Variants in SGCD observed in about 807,000 individuals in gnomAD.
SGCD encodes the protein sarcoglycan delta.
Under a neutral mutation model 36.6 loss-of-function variants are expected in SGCD, and 18 were observed. The ratio of observed to expected loss-of-function variants is 0.49; its 90% CI spans 0.34 to 0.73. SGCD has a LOEUF of 0.73. Among genes scored for constraint, SGCD ranks in the 30% least tolerant of loss-of-function variants. The pLI, the probability that SGCD is intolerant of heterozygous loss-of-function variation, is 0.01. For missense variants in SGCD, 387 were observed against 346.7 expected, an observed-to-expected ratio of 1.12 and a Z score of -0.92; for synonymous variants, 133 against 130.6, an observed-to-expected ratio of 1.02 and a Z score of -0.12.
intron 1 of SGCD, among the ~76,000 whole-genome samples, chr5:156,082,410 C>T (rs941208255): frequency 6.6e-6 from 1 of 152,124 alleles, no homozygotes; most frequent in Non-Finnish European, 1.5e-5. Context: ...CCCTCTATAC[C>T]TTACCACTAA....
At chr5:155,732,579 G>T in the SGCD span, among the ~76,000 whole-genome samples, 1 of 152,178 alleles carries the variant, frequency 6.6e-6, no homozygotes, top group South Asian at 2.1e-4. Context: ...CCAGCACCCA[G>T]TCTGGAGTCT....
intron 3 of SGCD, among the ~76,000 whole-genome samples, chr5:156,391,310 A>C (rs999892141): frequency 6.6e-6 from 1 of 152,216 alleles, no homozygotes; most frequent in Non-Finnish European, 1.5e-5. Context: ...AGGTTTGTGT[A>C]AGTACACGCT....
At chr5:156,345,060 GA>G (rs1561634290) in intron 3 of SGCD, among the ~76,000 whole-genome samples, 1 of 152,162 alleles carries the variant, frequency 6.6e-6, no homozygotes, top group African/African-American at 2.4e-5. Context: ...TTTTGAAGTA[GA>G]GAGTTGAAAC....
chr5:156,714,260 C>A (rs1301384914), intron 7 of SGCD, among the ~76,000 whole-genome samples: 2 of 152,210 alleles, frequency 1.3e-5, no homozygotes, highest in Non-Finnish European at 2.9e-5. Flanking sequence ...TTCTTGTAAA[C>A]AAGCATCTTT....
chr5:156,547,603 C>T (rs954276156), intron 4 of SGCD, among the ~76,000 whole-genome samples: 6 of 151,998 alleles, frequency 3.9e-5, no homozygotes, highest in South Asian at 4.2e-4. Context: ...TCACAATGCC[C>T]GGCTAATTTT....
intron 2 of SGCD, 108 bp from the exon 3 acceptor site, chr5:156,344,381 C>T: frequency 1.4e-6 from 1 of 734,064 alleles, no homozygotes; most frequent in Non-Finnish European, 2.2e-6. Context: ...TAAAAGTAGA[C>T]AGCAGCCAGC....
intron 7 of SGCD, among the ~76,000 whole-genome samples, chr5:156,734,565 GT>G (rs1222351883): frequency 1.3e-5 from 2 of 152,044 alleles, no homozygotes; most frequent in Non-Finnish European, 2.9e-5. Context: ...TTTCTCAGAG[GT>G]TTTCATCATT....
At chr5:155,873,519 G>A (rs1043858021) in intron 1 of SGCD, among the ~76,000 whole-genome samples, 4 of 152,098 alleles carry the variant, frequency 2.6e-5, no homozygotes, top group African/African-American at 9.7e-5. Flanking sequence ...ATGTAGACTT[G>A]GAAGGGTGCC....
At chr5:156,420,694 G>A (rs1773261814) in intron 3 of SGCD, among the ~76,000 whole-genome samples, 1 of 152,084 alleles carries the variant, frequency 6.6e-6, no homozygotes, top group African/African-American at 2.4e-5. Flanking sequence ...TTCCACCATG[G>A]CTTTTTGAAG....
Position 156,013,514 on chromosome 5 carries a change from A to G in SGCD, c.-281-104364A>G, listed in dbSNP as rs533427046. Among the ~76,000 whole-genome samples, 4 of 152,330 alleles carry G rather than the reference A, an allele frequency of 2.6e-5. No homozygotes were observed. The East Asian group carries it at 7.7e-4, about 29-fold the overall frequency. On this transcript the variant is annotated intron_variant, in intron 1 of 9. Transcript: ENST00000517913. Reference sequence around the variant, plus strand: ...TCCCTGTGCCCTTCTGAACAGGGACACTATCAGTTTTTATTTTAAAATATT... The same window carrying G: ...TCCCTGTGCCCTTCTGAACAGGGACGCTATCAGTTTTTATTTTAAAATATT...
At chr5:156,083,485 G>A (rs1761013979) in intron 1 of SGCD, among the ~76,000 whole-genome samples, 2 of 151,628 alleles carry the variant, frequency 1.3e-5, no homozygotes, top group South Asian at 4.2e-4. Flanking sequence ...AGTAGAGGCA[G>A]GGTTTCTCCG....
intron 3 of SGCD, among the ~76,000 whole-genome samples, chr5:156,305,707 G>T (rs767568438): frequency 1.3e-5 from 2 of 152,208 alleles, no homozygotes; most frequent in Non-Finnish European, 2.9e-5. Context: ...ACATGGAAAA[G>T]ATGCACACTC....
At chr5:155,742,151 A>C in the SGCD span, among the ~76,000 whole-genome samples, 1 of 152,198 alleles carries the variant, frequency 6.6e-6, no homozygotes, top group African/African-American at 2.4e-5. Context: ...GGCTTAAATT[A>C]GGGTTTTAAG....
At chr5:156,573,352 G>A (rs562368534) in intron 4 of SGCD, among the ~76,000 whole-genome samples, 6 of 152,266 alleles carry the variant, frequency 3.9e-5, no homozygotes, top group Non-Finnish European at 5.9e-5. Context: ...CTTTGCCTCC[G>A]GTCATGAAAT....
chr5:155,864,820 A>G, the SGCD span, among the ~76,000 whole-genome samples: 2 of 152,202 alleles, frequency 1.3e-5, no homozygotes, highest in Non-Finnish European at 1.5e-5. Context: ...GGTACAGATT[A>G]TGCTTAAATG....
chr5:156,236,771 A>G (rs1304394616), intron 3 of SGCD, among the ~76,000 whole-genome samples: 1 of 150,226 alleles, frequency 6.7e-6, no homozygotes. Context: ...TTTGTTCTTA[A>G]TGCTCCTGCT....
At chr5:155,879,024 A>T (rs573688081) in intron 1 of SGCD, among the ~76,000 whole-genome samples, 33 of 152,174 alleles carry the variant, frequency 2.2e-4, no homozygotes, top group African/African-American at 7.5e-4. Flanking sequence ...ACAGAGTGAA[A>T]TTCAGTCAGT....
the SGCD span, among the ~76,000 whole-genome samples, chr5:155,795,671 G>A: frequency 2.0e-5 from 3 of 152,046 alleles, no homozygotes; most frequent in Admixed American, 6.6e-5. Context: ...CATAGAAAAT[G>A]TATCATTTCC....
At chr5:155,955,725 C>T (rs942937554) in intron 1 of SGCD, among the ~76,000 whole-genome samples, 1 of 151,804 alleles carries the variant, frequency 6.6e-6, no homozygotes, top group Non-Finnish European at 1.5e-5. Flanking sequence ...TCTGATATAC[C>T]AATACTTTGG....
Sources: allele counts gnomAD v4.1 joint callset (sites outside exome capture counted in the v4.1 genomes callset), GRCh38; gene constraint gnomAD v4.1.1; transcripts MANE v1.5; gene names NCBI Gene and HGNC (gene_info 2026-07-23, HGNC 2026-07-21).